Variants in GRM5 observed in about 807,000 individuals in gnomAD.
GRM5 encodes glutamate metabotropic receptor 5.
In GRM5, 19 loss-of-function variants were observed where a neutral mutation model predicts 83.1. The observed-to-expected ratio is 0.23, with a 90% confidence interval of 0.16 to 0.34. GRM5 has a LOEUF of 0.34. Ranked by LOEUF, GRM5 falls within the 10% of genes least tolerant of loss-of-function variation. GRM5 has a pLI of 1.00. For synonymous variants in GRM5, 675 were observed against 633.6 expected, an observed-to-expected ratio of 1.07 and a Z score of -0.98; for missense variants, 1,160 against 1,588.3, an observed-to-expected ratio of 0.73 and a Z score of 4.58.
intron 3 of GRM5, among the ~76,000 whole-genome samples, chr11:88,685,270 T>G (rs527747455): frequency 6.6e-6 from 1 of 152,266 alleles, no homozygotes; most frequent in African/African-American, 2.4e-5. Context: ...AGCATTTTGC[T>G]CCTGCCCTAG....
At chr11:88,878,328 A>T (rs1187278042) in intron 2 of GRM5, among the ~76,000 whole-genome samples, 1 of 152,016 alleles carries the variant, frequency 6.6e-6, no homozygotes, top group Non-Finnish European at 1.5e-5. Context: ...GGATGGAACA[A>T]CTCTTTATTC....
chr11:88,911,054 G>A (rs903312441), intron 2 of GRM5, among the ~76,000 whole-genome samples: 1 of 152,000 alleles, frequency 6.6e-6, no homozygotes, highest in Non-Finnish European at 1.5e-5. Flanking sequence ...GAAAAAAAAT[G>A]TTGCTTTGTA....
chr11:88,565,945 A>G (rs1157834261), intron 8 of GRM5, among the ~76,000 whole-genome samples: 1 of 152,222 alleles, frequency 6.6e-6, no homozygotes. Flanking sequence ...TACCATCATA[A>G]TAAGTCATAC....
At chr11:88,684,445 G>A (rs1940569842) in intron 3 of GRM5, among the ~76,000 whole-genome samples, 5 of 152,190 alleles carry the variant, frequency 3.3e-5, no homozygotes, top group Admixed American at 2.6e-4. Context: ...AAGTGCAAAT[G>A]TTAGCGATAT....
chr11:88,519,389 T>G (rs2135095221), intron 9 of GRM5, among the ~76,000 whole-genome samples: 2 of 152,098 alleles, frequency 1.3e-5, no homozygotes, highest in African/African-American at 2.4e-5. Flanking sequence ...GGTTAGTTTA[T>G]GAAGAACCTT....
chr11:88,625,331 T>C (rs1474224855), intron 4 of GRM5, among the ~76,000 whole-genome samples: 1 of 152,136 alleles, frequency 6.6e-6, no homozygotes, highest in Non-Finnish European at 1.5e-5. Flanking sequence ...GAGAAAAGGC[T>C]ATACCCGTGT....
At chr11:88,729,371 A>T (rs374488007) in intron 3 of GRM5, among the ~76,000 whole-genome samples, 2 of 152,266 alleles carry the variant, frequency 1.3e-5, no homozygotes, top group East Asian at 3.9e-4. Context: ...CCAAAAAAAA[A>T]AATAAGAGGA....
At chr11:88,858,648 A>G (rs1307733809) in intron 2 of GRM5, among the ~76,000 whole-genome samples, 1 of 152,032 alleles carries the variant, frequency 6.6e-6, no homozygotes, top group Non-Finnish European at 1.5e-5. Context: ...GGTTTGGTAG[A>G]TTCCTGAGCC....
intron 4 of GRM5, among the ~76,000 whole-genome samples, chr11:88,607,876 G>C (rs1250767554): frequency 6.6e-6 from 1 of 152,162 alleles, no homozygotes; most frequent in African/African-American, 2.4e-5. Flanking sequence ...TTTCTTGCTT[G>C]TAGTTCTCAA....
chr11:88,990,294 T>C (rs893743525), intron 2 of GRM5, among the ~76,000 whole-genome samples: 10 of 152,122 alleles, frequency 6.6e-5, no homozygotes, highest in East Asian at 1.9e-4. Flanking sequence ...CCCATACACT[T>C]TCCCAAGACT....
At chr11:88,981,876 G>C (rs1438740682) in intron 2 of GRM5, among the ~76,000 whole-genome samples, 1 of 152,140 alleles carries the variant, frequency 6.6e-6, no homozygotes, top group Non-Finnish European at 1.5e-5. Flanking sequence ...GCCTACAGGA[G>C]AAATTGGCAT....
intron 3 of GRM5, among the ~76,000 whole-genome samples, chr11:88,700,542 C>CTACTT (rs1941007162): frequency 6.6e-6 from 1 of 151,874 alleles, no homozygotes. Flanking sequence ...CATTGTACTT[C>CTACTT]TACTTTGAAA....
At chr11:88,909,980 A>C (rs550764429) in intron 2 of GRM5, among the ~76,000 whole-genome samples, 14 of 152,068 alleles carry the variant, frequency 9.2e-5, no homozygotes, top group Non-Finnish European at 1.9e-4. Context: ...CAGTGGCATC[A>C]TACATATTCA....
At chr11:88,878,832 A>G (rs924970943) in intron 2 of GRM5, among the ~76,000 whole-genome samples, 3 of 152,112 alleles carry the variant, frequency 2.0e-5, no homozygotes. Context: ...AAGAAATTAG[A>G]CTCAAAAGGT....
chr11:88,833,226 A>AGTAATAT (rs1183679607), intron 3 of GRM5, among the ~76,000 whole-genome samples: 1 of 152,122 alleles, frequency 6.6e-6, no homozygotes, highest in African/African-American at 2.4e-5. Context: ...CTGACAAGAG[A>AGTAATAT]GTAATATTTA....
intron 3 of GRM5, among the ~76,000 whole-genome samples, chr11:88,760,660 A>G (rs1411176512): frequency 6.6e-6 from 1 of 152,116 alleles, no homozygotes; most frequent in African/African-American, 2.4e-5. Context: ...ATTTCTGCTG[A>G]AACTATTTCA....
At chr11:88,765,823 C>T (rs1022098020) in intron 3 of GRM5, among the ~76,000 whole-genome samples, 1 of 151,558 alleles carries the variant, frequency 6.6e-6, no homozygotes, top group Non-Finnish European at 1.5e-5. Flanking sequence ...ACAGGCACAA[C>T]AACAAAAAAT....
At chr11:88,779,536 T>A (rs1271589436) in intron 3 of GRM5, among the ~76,000 whole-genome samples, 1 of 152,084 alleles carries the variant, frequency 6.6e-6, no homozygotes, top group South Asian at 2.1e-4. Context: ...AATAACAGAA[T>A]TTTTTTCTGT....
At chr11:88,753,761 C>A (rs752450999) in intron 3 of GRM5, among the ~76,000 whole-genome samples, 4 of 151,958 alleles carry the variant, frequency 2.6e-5, no homozygotes, top group Non-Finnish European at 5.9e-5. Flanking sequence ...ATAGGCATTC[C>A]CGAGACTGAG....
Sources: allele counts gnomAD v4.1 joint callset (sites outside exome capture counted in the v4.1 genomes callset), GRCh38; gene constraint gnomAD v4.1.1; transcripts MANE v1.5; gene names NCBI Gene and HGNC (gene_info 2026-07-23, HGNC 2026-07-21).